The following KRT15 variants were observed in gnomAD, a reference collection of about 807,000 sequenced individuals.
KRT15 encodes keratin 15.
Under a neutral mutation model 46.6 loss-of-function variants are expected in KRT15, and 45 were observed. The observed-to-expected ratio is 0.97, with a 90% CI of 0.76 to 1.24. The LOEUF (loss-of-function observed/expected upper bound fraction) is 1.24. Ranked by LOEUF, KRT15 falls within the 50% of genes most tolerant of loss-of-function variation. KRT15 has a pLI of 0.00. For synonymous variants in KRT15, 221 were observed against 233.8 expected (o/e 0.95, Z 0.50); for missense variants, 592 against 588.9 (o/e 1.01, Z -0.05).
In KRT15 at chr17:41,514,566, C is replaced by G. The variant is rs150128991; in HGVS notation, c.1273+83G>C. 1,894 of 1,351,948 alleles carry G rather than the reference C, an allele frequency of 1.4e-3. 26 individuals are homozygous for G. In the African/African-American group the frequency reaches 0.024, roughly 17 times the overall value. The allele number at this position is 1,351,948 out of a possible 1,614,324, so 83.7% of individuals were successfully genotyped here. A position where few individuals can be genotyped will look rare whatever the true frequency, so the allele number is the denominator to read the frequency against. ...ACCTAATGGGATGTTTGGGCTCTTT[C>G]TCCTTCCTCCCTATTCCGAAGGGGG... On this transcript the variant is annotated intron_variant, in intron 7 of 7. Transcript: ENST00000254043.
Position 41,516,241 on chromosome 17 carries a change from G to T in KRT15, c.763C>A (p.Leu255Met). 6.2e-7 allele frequency: 1 copy of T among 1,613,820 alleles called. No individual in the cohort carries two copies. The highest frequency in any genetic ancestry group is 8.5e-7 in the Non-Finnish European group (1 of 1,179,938). The change falls in exon 4 of 8, where the codon CTG becomes ATG. Residue 255 changes from leucine to methionine, a missense_variant. Coordinates refer to ENST00000254043, the MANE Select transcript of KRT15 (RefSeq NM_002275.4). ...EEEMKEFSSQLAGQVNVEMDA... is the reference protein window; with the variant it reads ...EEEMKEFSSQMAGQVNVEMDA... ...ATCTCCACATTGACCTGGCCGGCCAGCTGGCTGCTGAACTCCTTCATCTCC... is the reference window on the plus strand; with the variant it reads ...ATCTCCACATTGACCTGGCCGGCCATCTGGCTGCTGAACTCCTTCATCTCC...
At chr17:41,514,173 C>A (rs1905254342) in intron 7 of KRT15, 53 bp from the exon 8 acceptor site, 7 of 1,426,986 alleles carry the variant, frequency 4.9e-6, no homozygotes, top group Non-Finnish European at 5.9e-6. Flanking sequence ...CGCTCTGCCA[C>A]GGTGGCCAGG....
intron 6 of KRT15, 99 bp from the exon 7 acceptor site, chr17:41,514,773 ACAC>A: frequency 3.1e-5 from 39 of 1,258,650 alleles, no homozygotes; most frequent in Non-Finnish European, 3.5e-5. Flanking sequence ...TTCAGACCCT[ACAC>A]CACCACCACC....
At chr17:41,516,474 A>C (rs981281530) in intron 3 of KRT15, among the ~76,000 whole-genome samples, 5 of 152,070 alleles carry the variant, frequency 3.3e-5, no homozygotes, top group African/African-American at 1.2e-4. Flanking sequence ...CCGAGACTGT[A>C]GGGCCCTGAT....
Position 41,517,097 on chromosome 17 carries a change from G to A in KRT15, c.567C>T (p.Asp189=), listed in dbSNP as rs751415257. The part of the protein sequence containing the change: ...LEIDNARLAA[D]DFRLKYENEL... Reference sequence around the variant, plus strand: ...GGGGAGCGCACTTGAGCCTGAAGTCGTCCGCAGCCAGCCTGGCATTGTCGA... The same window carrying A: ...GGGGAGCGCACTTGAGCCTGAAGTCATCCGCAGCCAGCCTGGCATTGTCGA... Residue 189 remains aspartate (D), a synonymous_variant, in exon 2 of 8, where the codon GAC becomes GAT. Coordinates refer to ENST00000254043, the MANE Select transcript of KRT15 (RefSeq NM_002275.4). 21 of 1,614,076 alleles carry A rather than the reference G, an allele frequency of 1.3e-5. No individual in the cohort carries two copies. The highest frequency in any genetic ancestry group is 1.2e-4 in the Admixed American group (7 of 60,002).
At chr17:41,514,555 T>G in intron 7 of KRT15, 94 bp downstream of exon 7, 3 of 1,200,550 alleles carry the variant, frequency 2.5e-6, no homozygotes, top group Non-Finnish European at 3.7e-6. Flanking sequence ...AATGGGATGT[T>G]TGGGCTCTTT....
At chr17:41,515,850 C>A (rs752298242) in intron 5 of KRT15, 35 bp downstream of exon 5, 1 of 1,613,778 alleles carries the variant, frequency 6.2e-7, no homozygotes, top group Non-Finnish European at 8.5e-7. Context: ...GCTTCTACCA[C>A]CCGAGAGGCT....
rs1163273126 is a variant in KRT15, at chr17:41,517,184, G to T, written c.499-19C>A. 4.4e-6 allele frequency: 7 copies of T among 1,604,678 alleles called. No individual in the cohort carries two copies. The highest frequency in any genetic ancestry group is 1.7e-4 in the Middle Eastern group (1 of 5,956). ...CCATGATCTGCAGGAGACAGAGTCG[G>T]TGTCTAGAGGACTCCTCTCTCTCCC... is the stretch of plus-strand genomic sequence containing the variant. On this transcript the variant is annotated intron_variant, in intron 1 of 7. Coordinates refer to ENST00000254043, the MANE Select transcript of KRT15 (RefSeq NM_002275.4).
chr17:41,515,894 C>G lies in KRT15; in HGVS notation c.1017G>C (p.Gln339His). ...MQELEIELQSQLSMKAGLENS... is the reference protein window; with the variant it reads ...MQELEIELQSHLSMKAGLENS... ...GCGCGAGTGGCCGTACCATGCTGAG[C>G]TGGGACTGCAGCTCGATCTCCAGCT... is the stretch of plus-strand genomic sequence containing the variant. The change falls in exon 5 of 8, where the codon CAG becomes CAC. Residue 339 changes from glutamine to histidine, a missense_variant. Transcript: ENST00000254043. 6.2e-7 allele frequency: 1 copy of G among 1,614,042 alleles called. No homozygotes were observed. The highest frequency in any genetic ancestry group is 2.2e-5 in the East Asian group (1 of 44,864).
At chr17:41,518,187 T>C in intron 1 of KRT15, 143 bp downstream of exon 1, 1 of 925,692 alleles carries the variant, frequency 1.1e-6, no homozygotes, top group Non-Finnish European at 1.6e-6. Context: ...AGCAGGTGCA[T>C]TCCAAATTTG....
At position 41,514,687 on chromosome 17, in the gene KRT15, G is replaced by A. The variant is rs76398448; in HGVS notation, c.1248-13C>T. On this transcript the variant is annotated splice_polypyrimidine_tract_variant and intron_variant, in intron 6 of 7. Transcript: ENST00000254043. Reference sequence around the variant, plus strand: ...AATGCCAGCCATCCTGAAAGAAAGAGGGAAGCTGATTTAAGCAAAGGGCAC... The same window carrying A: ...AATGCCAGCCATCCTGAAAGAAAGAAGGAAGCTGATTTAAGCAAAGGGCAC... The A allele has an allele frequency of 2.9e-3, 4,647 of 1,613,182 alleles. 139 individuals carry two copies. In the African/African-American group the frequency reaches 0.055, roughly 19 times the overall value.
chr17:41,515,581 A>C lies in KRT15; in HGVS notation c.1138T>G (p.Cys380Gly), dbSNP rs539545400. The change falls in exon 6 of 8, where the codon TGC becomes GGC. Residue 380 changes from cysteine to glycine, a missense_variant. By Grantham distance (159) the Cys-to-Gly change is radical. Coordinates refer to ENST00000254043, the MANE Select transcript of KRT15 (RefSeq NM_002275.4). Reference protein sequence around the residue: ...GLEAQLSELRCEMEAQNQEYK... With the variant: ...GLEAQLSELRGEMEAQNQEYK... ...TCCTGGTTCTGAGCCTCCATCTCGC[A>C]TCGGAGCTCACTCAGCTGGGCCTCC... 2.8e-5 allele frequency: 45 copies of C among 1,614,120 alleles called. No individual in the cohort carries two copies. The Admixed American group carries it at 4.7e-4, about 17-fold the overall frequency.
chr17:41,515,552 G>T lies in KRT15; in HGVS notation c.1167C>A (p.Tyr389Ter). The T allele has an allele frequency of 6.2e-7, 1 of 1,614,146 alleles. No individual in the cohort carries two copies. Among genetic ancestry groups the T allele is most frequent in the Non-Finnish European group, 8.5e-7 (1 of 1,180,050 alleles). Residue 389 changes from tyrosine to a stop codon, truncating the protein, a stop_gained, in exon 6 of 8, where the codon TAC (tyrosine) becomes TAA (stop). Coordinates refer to ENST00000254043, the MANE Select transcript of KRT15 (RefSeq NM_002275.4). LOFTEE classifies it high-confidence loss of function. ...RCEMEAQNQE[Y>*]KMLLDIKTRL... The stretch of plus-strand genomic sequence containing the variant: ...GTGTCTTTATGTCAAGCAGCATCTT[G>T]TACTCCTGGTTCTGAGCCTCCATCT...
intron 4 of KRT15, 43 bp downstream of exon 4, chr17:41,516,061 A>G (rs372490668): frequency 1.9e-6 from 3 of 1,614,024 alleles, no homozygotes; most frequent in Non-Finnish European, 2.5e-6. Flanking sequence ...TCGGAGACTC[A>G]GGGACCTGGG....
chr17:41,514,253 T>G lies in KRT15; in HGVS notation c.1274-133A>C. The G allele has an allele frequency of 1.1e-5, 8 of 697,718 alleles. No homozygotes were observed. In the South Asian group the frequency reaches 1.3e-4, roughly 11 times the overall value. The allele number at this position is 697,718 out of a possible 1,614,324, so 43.2% of individuals were successfully genotyped here. A position where few individuals can be genotyped will look rare whatever the true frequency, so the allele number is the denominator to read the frequency against. ...GGCCACTGGCCAATCCCTCAAGAGCTGCCAGAGATCTGGTGTTGAATTCCT... is the reference window on the plus strand; with the variant it reads ...GGCCACTGGCCAATCCCTCAAGAGCGGCCAGAGATCTGGTGTTGAATTCCT... On this transcript the variant is annotated intron_variant, in intron 7 of 7. Transcript: ENST00000254043.
intron 5 of KRT15, 46 bp from the exon 6 acceptor site, chr17:41,515,738 C>T (rs1905327209): frequency 6.2e-7 from 1 of 1,602,124 alleles, no homozygotes; most frequent in Non-Finnish European, 8.5e-7. Flanking sequence ...AGAAAGGAAG[C>T]CACTGAGGGC....
intron 1 of KRT15, chr17:41,517,434 G>C: frequency 2.1e-6 from 1 of 478,552 alleles, no homozygotes; most frequent in South Asian, 2.2e-5. Flanking sequence ...CAAGGAGGCA[G>C]TATTGCCTGT....
rs780062822 is a variant in KRT15 at position 41,515,866 on chromosome 17, G to A, written c.1026+19C>T. 65 of 1,613,922 alleles carry A rather than the reference G, an allele frequency of 4.0e-5. No individual in the cohort carries two copies. In the Admixed American group the frequency reaches 1.0e-3, roughly 26 times the overall value. On this transcript the variant is annotated intron_variant, in intron 5 of 7. Transcript: ENST00000254043. ...CTTCTACCACCCGAGAGGCTGGGAT[G>A]GGGCGCGAGTGGCCGTACCATGCTG...
chr17:41,515,767 G>C, intron 5 of KRT15, 75 bp from the exon 6 acceptor site: 1 of 1,595,240 alleles, frequency 6.3e-7, no homozygotes, highest in South Asian at 1.1e-5. Flanking sequence ...AGGGGGCACT[G>C]AATGGAGTTC....
Sources: allele counts gnomAD v4.1 joint callset (sites outside exome capture counted in the v4.1 genomes callset), GRCh38; gene constraint gnomAD v4.1.1; transcripts MANE v1.5; gene names NCBI Gene and HGNC (gene_info 2026-07-23, HGNC 2026-07-21).